The following MATCAP2 variants were observed in gnomAD, a reference collection of about 807,000 sequenced individuals.
The protein encoded by MATCAP2 is microtubule associated tyrosine carboxypeptidase 2, also known as putative tyrosine carboxypeptidase MATCAP2.
At chr7:36,382,658 A>G in the MATCAP2 span, among the ~76,000 whole-genome samples, 4 of 152,206 alleles carry the variant, frequency 2.6e-5, no homozygotes, top group African/African-American at 7.2e-5. Flanking sequence ...AGGCCCGGCT[A>G]ATTTTTTTGT....
the MATCAP2 span, chr7:36,356,441 G>A: frequency 1.3e-4 from 24 of 180,862 alleles, no homozygotes; most frequent in African/African-American, 5.5e-4. Context: ...CTTGAACCCA[G>A]AAGGCAGAGG....
At chr7:36,366,899 C>T in the MATCAP2 span, 2 of 1,468,226 alleles carry the variant, frequency 1.4e-6, no homozygotes, top group Non-Finnish European at 8.9e-7. Context: ...CCGCGGCCAG[C>T]CCTTCCCGGC....
the MATCAP2 span, among the ~76,000 whole-genome samples, chr7:36,365,052 A>C: frequency 3.9e-5 from 6 of 152,184 alleles, no homozygotes; most frequent in African/African-American, 1.4e-4. Flanking sequence ...GAGTGGGTCT[A>C]CTACTTTCTA....
chr7:36,332,316 G>T, the MATCAP2 span, among the ~76,000 whole-genome samples: 1 of 152,092 alleles, frequency 6.6e-6, no homozygotes, highest in Non-Finnish European at 1.5e-5. Context: ...AGAAACATTT[G>T]TTTAACAGTC....
chr7:36,368,130 A>C, the MATCAP2 span: 1 of 152,040 alleles, frequency 6.6e-6, no homozygotes, highest in African/African-American at 2.4e-5. Context: ...TTGAGACCCT[A>C]ACGTGTGCAA....
the MATCAP2 span, among the ~76,000 whole-genome samples, chr7:36,388,313 A>T: frequency 6.6e-6 from 1 of 151,588 alleles, no homozygotes; most frequent in Non-Finnish European, 1.5e-5. Context: ...AAAAAAAAAA[A>T]CCCATGGGTT....
At chr7:36,324,650 A>AATCT in the MATCAP2 span, 1 of 152,354 alleles carries the variant, frequency 6.6e-6, no homozygotes, top group East Asian at 1.9e-4. Context: ...TTAAATATTC[A>AATCT]ATCTCAACTT....
At chr7:36,338,052 A>ATAT in the MATCAP2 span, among the ~76,000 whole-genome samples, 3 of 152,132 alleles carry the variant, frequency 2.0e-5, no homozygotes, top group Admixed American at 6.6e-5. Context: ...TTAACCCTAT[A>ATAT]TAGTGTGGCT....
the MATCAP2 span, chr7:36,366,555 T>C: frequency 3.2e-5 from 29 of 913,170 alleles, no homozygotes; most frequent in Non-Finnish European, 4.2e-5. Context: ...GCTTATTTTT[T>C]CTGAACATTC....
chr7:36,337,377 C>A, the MATCAP2 span, among the ~76,000 whole-genome samples: 1 of 151,962 alleles, frequency 6.6e-6, no homozygotes, highest in Admixed American at 6.6e-5. Flanking sequence ...TTATCAGTAT[C>A]TATGGGAAAG....
At chr7:36,328,242 G>GC in the MATCAP2 span, among the ~76,000 whole-genome samples, 5 of 101,552 alleles carry the variant, frequency 4.9e-5, no homozygotes, top group Admixed American at 1.1e-4. Flanking sequence ...GTTTTTGTAG[G>GC]GGGGGGGGGT....
chr7:36,343,640 G>GA, the MATCAP2 span, among the ~76,000 whole-genome samples: 5 of 16,470 alleles, frequency 3.0e-4, no homozygotes, highest in South Asian at 7.9e-3. Context: ...AAAAGAAAAA[G>GA]AAAAAGAAAA....
the MATCAP2 span, among the ~76,000 whole-genome samples, chr7:36,345,866 G>A: frequency 7.9e-5 from 12 of 152,064 alleles, no homozygotes. Context: ...CATCAAAATT[G>A]TGCTTCTAAG....
the MATCAP2 span, among the ~76,000 whole-genome samples, chr7:36,334,535 CAAAAAAAA>C: frequency 1.5e-3 from 73 of 49,532 alleles, no homozygotes; most frequent in East Asian, 0.031. Flanking sequence ...GATCCCATCT[CAAAAAAAA>C]AAAAAAAAAA....
chr7:36,364,101 T>G, the MATCAP2 span, among the ~76,000 whole-genome samples: 76 of 151,680 alleles, frequency 5.0e-4, no homozygotes, highest in Non-Finnish European at 1.8e-4. Flanking sequence ...CTTTTTTTTT[T>G]TTTTGTGACA....
At chr7:36,388,123 C>A in the MATCAP2 span, among the ~76,000 whole-genome samples, 3 of 152,136 alleles carry the variant, frequency 2.0e-5, no homozygotes, top group Non-Finnish European at 2.9e-5. Context: ...GATGATTATT[C>A]CTGTTACACA....
the MATCAP2 span, among the ~76,000 whole-genome samples, chr7:36,347,221 G>A: frequency 6.6e-6 from 1 of 152,058 alleles, no homozygotes; most frequent in Admixed American, 6.6e-5. Context: ...AGAAAAAAAA[G>A]TTTTCTATAT....
chr7:36,384,091 A>G, the MATCAP2 span, among the ~76,000 whole-genome samples: 2 of 152,140 alleles, frequency 1.3e-5, no homozygotes, highest in African/African-American at 4.8e-5. Context: ...AATTAACTGT[A>G]AATATACAGC....
At chr7:36,349,420 C>T in the MATCAP2 span, among the ~76,000 whole-genome samples, 1 of 152,012 alleles carries the variant, frequency 6.6e-6, no homozygotes, top group Non-Finnish European at 1.5e-5. Flanking sequence ...CTATGCAGAA[C>T]CTAGAAAATA....
Sources: allele counts gnomAD v4.1 joint callset (sites outside exome capture counted in the v4.1 genomes callset), GRCh38; gene constraint gnomAD v4.1.1; transcripts MANE v1.5; gene names NCBI Gene and HGNC (gene_info 2026-07-23, HGNC 2026-07-21).